DISP3: variants seen among roughly 807,000 people sequenced by gnomAD.
The protein encoded by DISP3 is protein dispatched homolog 3.
In DISP3, 101 loss-of-function variants were observed where a neutral mutation model predicts 135.3. The ratio of observed to expected loss-of-function variants is 0.75; its 90% confidence interval spans 0.64 to 0.88. The LOEUF (loss-of-function observed/expected upper bound fraction) is 0.88, where lower values mean the gene tolerates loss of function less well. Among genes scored for constraint, DISP3 ranks in the 40% least tolerant of loss-of-function variants. DISP3 has a pLI of 0.00. For missense variants in DISP3, 1,713 were observed against 1,878.6 expected (o/e 0.91, Z 1.63); for synonymous variants, 856 against 817.0 (o/e 1.05, Z -0.81).
Position 11,515,462 on chromosome 1 carries a change from G to A in DISP3, c.1547G>A (p.Gly516Asp). Residue 516 changes from glycine (G) to aspartate (D), a missense_variant, in exon 5 of 21, where the codon GGC (glycine) becomes GAC (aspartate). Physicochemically the swap from Gly to Asp is moderately conservative, Grantham distance 94. Coordinates refer to ENST00000294484, the MANE Select transcript of DISP3 (RefSeq NM_020780.2). ...GTGGTCTTTGGTATCCAGTACTTGG[G>A]CATCCTGAATGGGGTGGCCGCCTTC... is the stretch of plus-strand genomic sequence containing the variant. ...YHVVFGIQYL[G>D]ILNGVAAFVI... 1.2e-6 allele frequency: 2 copies of A among 1,613,194 alleles called. No individual in the cohort carries two copies. Among genetic ancestry groups the A allele is most frequent in the Non-Finnish European group, 1.7e-6 (2 of 1,179,528 alleles).
In DISP3 at chr1:11,524,008, G is replaced by A. The variant is rs61744927; in HGVS notation, c.2429G>A (p.Arg810Gln). 4.2e-5 allele frequency: 68 copies of A among 1,613,340 alleles called. No homozygotes were observed. The African/African-American group carries it at 6.7e-4, about 16-fold the overall frequency. ...NIRTSLEKKRRGSGVPWASRP... is the reference protein window; with the variant it reads ...NIRTSLEKKRQGSGVPWASRP... ...CGGACGTCCCTGGAGAAGAAGAGGCGAGGCTCAGGGGTCCCCTGGGCTAGC... is the reference window on the plus strand; with the variant it reads ...CGGACGTCCCTGGAGAAGAAGAGGCAAGGCTCAGGGGTCCCCTGGGCTAGC... The change falls in exon 11 of 21, where the codon CGA becomes CAA. Residue 810 changes from arginine (R) to glutamine (Q), a missense_variant. This residue lies in a region of DISP3 where 1,142 missense variants were observed against 1,384.6 expected (regional missense o/e 0.82). Coordinates refer to ENST00000294484, the MANE Select transcript of DISP3 (RefSeq NM_020780.2).
chr1:11,529,565 C>T lies in DISP3; in HGVS notation c.2808C>T (p.Tyr936=). The T allele has an allele frequency of 1.9e-6, 3 of 1,564,256 alleles. No individual in the cohort carries two copies. The highest frequency in any genetic ancestry group is 1.2e-5 in the South Asian group (1 of 85,868). The part of the protein sequence containing the change: ...TKEQQHTRKL[Y]FAQSHKPPFH... Reference sequence around the variant, plus strand: ...TCCATTCCCTCCACAGGAAGCTGTACTTCGCCCAGTCCCACAAGCCCCCCT... The same window carrying T: ...TCCATTCCCTCCACAGGAAGCTGTATTTCGCCCAGTCCCACAAGCCCCCCT... Residue 936 remains tyrosine, a synonymous_variant, in exon 14 of 21, where the codon TAC becomes TAT. Transcript: ENST00000294484. The surrounding 1 kb of genome is among the most constrained non-coding windows in gnomAD (Gnocchi z 4.7).
chr1:11,528,076 C>A (rs1464725230), intron 13 of DISP3, among the ~76,000 whole-genome samples: 1 of 152,232 alleles, frequency 6.6e-6, no homozygotes, highest in Non-Finnish European at 1.5e-5. Flanking sequence ...TAAGTACTTG[C>A]TGAATGAATG....
At chr1:11,522,922 A>AGGACCCAGCC (rs1642283533) in intron 10 of DISP3, among the ~76,000 whole-genome samples, 1 of 22,624 alleles carries the variant, frequency 4.4e-5, no homozygotes, top group Admixed American at 4.0e-4. Context: ...AGGACCCAGC[A>AGGACCCAGCC]AGGACCCAGC....
chr1:11,522,871 GCCCAGCCAGA>G (rs1642276652), intron 10 of DISP3, among the ~76,000 whole-genome samples: 1 of 28,924 alleles, frequency 3.5e-5, no homozygotes, highest in Admixed American at 4.2e-4. Context: ...CCCAGCCAGA[GCCCAGCCAGA>G]GCCCAGCCAG....
intron 7 of DISP3, among the ~76,000 whole-genome samples, chr1:11,518,324 AG>A (rs1557611019): frequency 6.6e-6 from 1 of 152,196 alleles, no homozygotes; most frequent in Non-Finnish European, 1.5e-5. Context: ...GGGCCCAGCG[AG>A]GAGCTTAGAC....
At chr1:11,495,179 C>T (rs981439546) in intron 1 of DISP3, among the ~76,000 whole-genome samples, 1 of 152,184 alleles carries the variant, frequency 6.6e-6, no homozygotes, top group African/African-American at 2.4e-5. Context: ...GATCGCTTGT[C>T]AGGAGTTCGA....
intron 1 of DISP3, among the ~76,000 whole-genome samples, chr1:11,484,420 C>T (rs1640981658): frequency 6.6e-6 from 1 of 152,200 alleles, no homozygotes; most frequent in Non-Finnish European, 1.5e-5. Flanking sequence ...TATTACACCT[C>T]CAGGCTGGTC....
In DISP3 at chr1:11,501,090, A is replaced by C. The variant is rs1214761225; in HGVS notation, c.98A>C (p.Lys33Thr). The C allele has an allele frequency of 6.8e-6, 11 of 1,613,998 alleles. No individual in the cohort carries two copies. The highest frequency in any genetic ancestry group is 9.3e-6 in the Non-Finnish European group (11 of 1,180,016). ...GGTGAAACCTTTTTAGGGGCCCAGA[A>C]GCCAGGGCCCCAACCTGGGGCAGGG... is the stretch of plus-strand genomic sequence containing the variant. Reference protein sequence around the residue: ...ATGETFLGAQKPGPQPGAGGQ... With the variant: ...ATGETFLGAQTPGPQPGAGGQ... The change falls in exon 2 of 21, where the codon AAG (lysine) becomes ACG (threonine). Residue 33 changes from lysine (K) to threonine (T), a missense_variant. Transcript: ENST00000294484. The surrounding 1 kb of genome is among the most constrained non-coding windows in gnomAD (Gnocchi z 4.9).
rs1641495453 is a variant in DISP3, at chr1:11,501,064, G to A, written c.72G>A (p.Thr24=). 1.2e-6 allele frequency: 2 copies of A among 1,614,050 alleles called. No homozygotes were observed. The highest frequency in any genetic ancestry group is 1.1e-5 in the South Asian group (1 of 91,086). The change falls in exon 2 of 21, where the codon ACG becomes ACA. Residue 24 remains threonine (T), a synonymous_variant. Transcript: ENST00000294484. The surrounding 1 kb of genome is among the most constrained non-coding windows in gnomAD (Gnocchi z 4.9). The stretch of plus-strand genomic sequence containing the variant: ...AGGAGCAGGAGGAGGAAGAAGCAAC[G>A]GGTGAAACCTTTTTAGGGGCCCAGA... ...LEEEQEEEEA[T]GETFLGAQKP...
chr1:11,510,109 T>A (rs569702432), intron 3 of DISP3, among the ~76,000 whole-genome samples: 1 of 152,118 alleles, frequency 6.6e-6, no homozygotes, highest in Admixed American at 6.6e-5. Flanking sequence ...AAAAAATAAA[T>A]AAATAAATAA....
intron 12 of DISP3, among the ~76,000 whole-genome samples, chr1:11,525,874 A>G (rs1642401473): frequency 6.6e-6 from 1 of 152,094 alleles, no homozygotes; most frequent in African/African-American, 2.4e-5. Flanking sequence ...CAGTGGCATG[A>G]TCATAGCTCA....
chr1:11,520,873 C>T lies in DISP3; in HGVS notation c.2362+25C>T. 6.4e-7 allele frequency: 1 copy of T among 1,567,360 alleles called. No individual in the cohort carries two copies. The highest frequency in any genetic ancestry group is 8.7e-7 in the Non-Finnish European group (1 of 1,155,064). On this transcript the variant is annotated intron_variant, in intron 10 of 20. Transcript: ENST00000294484. This position sits in a 1 kb window ranked among gnomAD's most constrained non-coding sequence, Gnocchi z 4.8. ...GGTGAGGCTTCTAGCCAGGCTGTCC[C>T]TGGCCCGCTCAGGTGTCCGGGTCCC...
At chr1:11,484,301 G>C (rs1346179609) in intron 1 of DISP3, among the ~76,000 whole-genome samples, 1 of 152,196 alleles carries the variant, frequency 6.6e-6, no homozygotes, top group African/African-American at 2.4e-5. Context: ...GAGGCAGGTG[G>C]AGCCCAGCAG....
chr1:11,508,150 C>T (rs1035659793), intron 3 of DISP3, among the ~76,000 whole-genome samples: 10 of 152,104 alleles, frequency 6.6e-5, no homozygotes, highest in Admixed American at 2.0e-4. Flanking sequence ...AGCAGGGTAC[C>T]GTAGTTCATG....
rs1181726032 is a variant in DISP3, at chr1:11,529,618, CT to C, written c.2862del (p.Gly955AlafsTer38). 7 of 1,608,980 alleles carry C rather than the reference CT, an allele frequency of 4.4e-6. No individual in the cohort carries two copies. Among genetic ancestry groups the C allele is most frequent in the Non-Finnish European group, 3.4e-6 (4 of 1,176,258 alleles). On this transcript the variant is annotated frameshift_variant, in exon 14 of 21. Transcript: ENST00000294484. LOFTEE classifies it high-confidence loss of function. This position sits in a 1 kb window ranked among gnomAD's most constrained non-coding sequence, Gnocchi z 4.7. ...CACGGGCGCGTATGCATGGCACCCC[CT>C]GGCTGCCTGCTTAGCTCCAGCCCCG... is the stretch of plus-strand genomic sequence containing the variant. ...PFHGRVCMAP[P>X]GCLLSSSPDG...
Position 11,535,466 on chromosome 1 carries a change from G to C in DISP3, c.3650-12G>C. The C allele has an allele frequency of 6.3e-7, 1 of 1,596,762 alleles. No homozygotes were observed. Among genetic ancestry groups the C allele is most frequent in the Non-Finnish European group, 8.6e-7 (1 of 1,168,970 alleles). On this transcript the variant is annotated splice_polypyrimidine_tract_variant and intron_variant, in intron 19 of 20. Transcript: ENST00000294484. ...GGGGATCCGAGCTGCCCCCCCTGCTGTCTCCTTGCAGGCATCGTGTGCCTG... is the reference window on the plus strand; with the variant it reads ...GGGGATCCGAGCTGCCCCCCCTGCTCTCTCCTTGCAGGCATCGTGTGCCTG...
At chr1:11,489,529 C>A (rs1337817965) in intron 1 of DISP3, among the ~76,000 whole-genome samples, 2 of 152,218 alleles carry the variant, frequency 1.3e-5, no homozygotes, top group Non-Finnish European at 2.9e-5. Flanking sequence ...TCCCTGCATG[C>A]TGCCCCCTCC....
chr1:11,534,940 C>T, intron 18 of DISP3, 71 bp from the exon 19 acceptor site: 1 of 1,353,926 alleles, frequency 7.4e-7, no homozygotes. Flanking sequence ...AGGTCAAGGG[C>T]TCACCCCAGC....
Sources: allele counts gnomAD v4.1 joint callset (sites outside exome capture counted in the v4.1 genomes callset), GRCh38; gene constraint gnomAD v4.1.1; regional missense constraint gnomAD v4.1.1; non-coding constraint Gnocchi (gnomAD v3.1); transcripts MANE v1.5; gene names NCBI Gene and HGNC (gene_info 2026-07-23, HGNC 2026-07-21).